RETREG1: variants seen among roughly 807,000 people sequenced by gnomAD.
RETREG1 encodes the protein family with sequence similarity 134 member B.
In RETREG1, 44 loss-of-function variants were observed where a neutral mutation model predicts 54.8. The observed-to-expected ratio is 0.80, with a 90% CI of 0.63 to 1.03. The LOEUF (loss-of-function observed/expected upper bound fraction) is 1.03, where lower values mean the gene tolerates loss of function less well. Among genes scored for constraint, RETREG1 ranks in the 50% least tolerant of loss-of-function variants. RETREG1 has a pLI of 0.00. For synonymous variants in RETREG1, 217 were observed against 238.5 expected (o/e 0.91, Z 0.83); for missense variants, 554 against 605.1 (o/e 0.92, Z 0.89).
intron 1 of RETREG1, among the ~76,000 whole-genome samples, chr5:16,602,207 T>C (rs1743071834): frequency 6.6e-6 from 1 of 152,138 alleles, no homozygotes; most frequent in Non-Finnish European, 1.5e-5. Context: ...AAGAAAACCT[T>C]ACACTCTCAT....
chr5:16,583,352 GC>G (rs1325591647), intron 1 of RETREG1, among the ~76,000 whole-genome samples: 1 of 151,878 alleles, frequency 6.6e-6, no homozygotes, highest in East Asian at 1.9e-4. Flanking sequence ...AAGTATCAGG[GC>G]GTGGTGGCAT....
At chr5:16,605,604 G>A (rs1743165738) in intron 1 of RETREG1, among the ~76,000 whole-genome samples, 1 of 152,246 alleles carries the variant, frequency 6.6e-6, no homozygotes, top group Non-Finnish European at 1.5e-5. Context: ...AAGCATTAGA[G>A]AGAGGGTGCT....
rs1579579592 is a variant in RETREG1, at chr5:16,477,864, C to T, written c.874-76G>A. The T allele has an allele frequency of 3.2e-6, 5 of 1,559,316 alleles. No individual in the cohort carries two copies. The East Asian group carries it at 9.0e-5, about 28-fold the overall frequency. ...AATATTTTGAAAAATCCATATGAAC[C>T]CCCAAAATGACAGAGTAATAAAAAC... is the stretch of plus-strand genomic sequence containing the variant. On this transcript the variant is annotated intron_variant, in intron 7 of 8. Coordinates refer to ENST00000306320, the MANE Select transcript of RETREG1 (RefSeq NM_001034850.3).
intron 2 of RETREG1, among the ~76,000 whole-genome samples, chr5:16,570,543 G>C (rs1355781289): frequency 2.0e-5 from 3 of 152,008 alleles, no homozygotes; most frequent in African/African-American, 7.3e-5. Context: ...AAGATAAAAT[G>C]GTTGCAGATA....
rs372631721 is a variant in RETREG1, at chr5:16,603,011, A to AAAAC, written c.320+13637_320+13640dup. Among the ~76,000 whole-genome samples, 132 of 152,310 alleles carry AAAAC rather than the reference A, an allele frequency of 8.7e-4. No homozygotes were observed. In the Middle Eastern group the frequency reaches 0.017, roughly 20 times the overall value. On this transcript the variant is annotated intron_variant, in intron 1 of 8. Transcript: ENST00000306320. ...CAACAAGAGAGAAACTCTGTCTCAA[A>AAAAC]AAACAAACAAACAAACAAACAAAAC...
intron 3 of RETREG1, among the ~76,000 whole-genome samples, chr5:16,497,722 G>A (rs1010717282): frequency 1.3e-5 from 2 of 152,252 alleles, no homozygotes; most frequent in Admixed American, 6.5e-5. Flanking sequence ...CCATTGCCAT[G>A]CATGGCAGAC....
intron 2 of RETREG1, 22 bp from the exon 3 acceptor site, chr5:16,565,815 T>C: frequency 1.2e-6 from 2 of 1,612,486 alleles, no homozygotes; most frequent in South Asian, 1.1e-5. Context: ...AGAAGCAAAA[T>C]GTGAAACTTA....
At position 16,551,440 on chromosome 5, in the gene RETREG1, T is replaced by G. The variant is rs75342028; in HGVS notation, c.458+14323A>C. On this transcript the variant is annotated intron_variant, in intron 3 of 8. Transcript: ENST00000306320. ...TTCCCTGGCTTCCAAGCATGGCATCTTCATGACTCTTCTTGACTACCTTGG... is the reference window on the plus strand; with the variant it reads ...TTCCCTGGCTTCCAAGCATGGCATCGTCATGACTCTTCTTGACTACCTTGG... 5.9e-3 allele frequency among the ~76,000 whole-genome samples: 902 copies of G among 152,320 alleles called. 11 individuals are homozygous for G. The highest frequency in any genetic ancestry group is 0.02 in the African/African-American group (843 of 41,564).
At chr5:16,609,958 A>G (rs1743294069) in intron 1 of RETREG1, among the ~76,000 whole-genome samples, 1 of 152,204 alleles carries the variant, frequency 6.6e-6, no homozygotes, top group Non-Finnish European at 1.5e-5. Context: ...AGAGAGCTGG[A>G]GAAAACCCAG....
rs532014920 is a variant in RETREG1 at position 16,594,783 on chromosome 5, G to A, written c.320+21869C>T. On this transcript the variant is annotated intron_variant, in intron 1 of 8. Coordinates refer to ENST00000306320, the MANE Select transcript of RETREG1 (RefSeq NM_001034850.3). This position sits in a 1 kb window ranked among gnomAD's most constrained non-coding sequence, Gnocchi z 4.4. The stretch of plus-strand genomic sequence containing the variant: ...TTTTCATAGACTACCATCACAAACT[G>A]GCTAAAAGTCTCTCACTAAAGGTTT... 2.0e-5 allele frequency among the ~76,000 whole-genome samples: 3 copies of A among 152,194 alleles called. No individual in the cohort carries two copies. Among genetic ancestry groups the A allele is most frequent in the South Asian group, 2.1e-4 (1 of 4,824 alleles).
At chr5:16,614,630 A>T (rs963970141) in intron 1 of RETREG1, among the ~76,000 whole-genome samples, 1 of 152,240 alleles carries the variant, frequency 6.6e-6, no homozygotes, top group Non-Finnish European at 1.5e-5. Flanking sequence ...CAAAATTACA[A>T]GTGCACATGC....
At chr5:16,525,821 T>G (rs1328802536) in intron 3 of RETREG1, among the ~76,000 whole-genome samples, 1 of 152,070 alleles carries the variant, frequency 6.6e-6, no homozygotes, top group Non-Finnish European at 1.5e-5. Flanking sequence ...TATGAGGGCC[T>G]GAAGTCTGCA....
intron 3 of RETREG1, among the ~76,000 whole-genome samples, chr5:16,544,576 T>C (rs1741338975): frequency 6.6e-6 from 1 of 152,230 alleles, no homozygotes; most frequent in African/African-American, 2.4e-5. Context: ...CCATGTTCCC[T>C]TTTGAGTTAA....
chr5:16,529,777 T>C (rs1243845973), intron 3 of RETREG1, among the ~76,000 whole-genome samples: 1 of 152,174 alleles, frequency 6.6e-6, no homozygotes, highest in Non-Finnish European at 1.5e-5. Flanking sequence ...CAGAGTGGAA[T>C]GGGGGTAGAA....
At chr5:16,544,409 G>C (rs565694491) in intron 3 of RETREG1, among the ~76,000 whole-genome samples, 2 of 152,234 alleles carry the variant, frequency 1.3e-5, no homozygotes, top group South Asian at 4.1e-4. Context: ...AAACATCAAA[G>C]GTTTGTCATC....
chr5:16,602,817 G>A (rs1255012065), intron 1 of RETREG1, among the ~76,000 whole-genome samples: 10 of 152,262 alleles, frequency 6.6e-5, no homozygotes. Flanking sequence ...AGAATAGCCT[G>A]ACCAACATGG....
intron 3 of RETREG1, among the ~76,000 whole-genome samples, chr5:16,564,542 T>C (rs1741955329): frequency 6.6e-6 from 1 of 152,176 alleles, no homozygotes; most frequent in Non-Finnish European, 1.5e-5. Flanking sequence ...AGCAAGTTTC[T>C]ATAAAATAGA....
Position 16,474,420 on chromosome 5 carries a change from T to G in RETREG1, c.*321A>C. Reference sequence around the variant, plus strand: ...AAAAACTGTAAAGAAAAAGAATATTTATAGGAGGATTTTAATAGTTTGGTT... The same window carrying G: ...AAAAACTGTAAAGAAAAAGAATATTGATAGGAGGATTTTAATAGTTTGGTT... On this transcript the variant is annotated 3_prime_UTR_variant, in exon 9 of 9. Coordinates refer to ENST00000306320, the MANE Select transcript of RETREG1 (RefSeq NM_001034850.3). The G allele has an allele frequency of 3.9e-6, 1 of 255,358 alleles. No individual in the cohort carries two copies. The highest frequency in any genetic ancestry group is 7.5e-6 in the Non-Finnish European group (1 of 133,194). 15.8% of individuals were successfully genotyped at this position (255,358 alleles called of 1,614,324 possible).
intron 3 of RETREG1, among the ~76,000 whole-genome samples, chr5:16,550,990 G>T (rs980535632): frequency 1.1e-4 from 17 of 152,130 alleles, no homozygotes; most frequent in African/African-American, 4.1e-4. Context: ...TTCCTTTTGG[G>T]GTGATGGAAA....
Sources: allele counts gnomAD v4.1 joint callset (sites outside exome capture counted in the v4.1 genomes callset), GRCh38; gene constraint gnomAD v4.1.1; non-coding constraint Gnocchi (gnomAD v3.1); transcripts MANE v1.5; gene names NCBI Gene and HGNC (gene_info 2026-07-23, HGNC 2026-07-21).